NR2C2: variants seen among roughly 807,000 people sequenced by gnomAD.
NR2C2 encodes Nuclear hormone receptor TR4.
In NR2C2, 6 loss-of-function variants were observed where a neutral mutation model predicts 62.9. The observed-to-expected ratio is 0.10, with a 90% CI of 0.05 to 0.19. The LOEUF (loss-of-function observed/expected upper bound fraction) is 0.19, where lower values mean the gene tolerates loss of function less well. NR2C2 is among the 10% of genes least tolerant of loss of function. The pLI is 1.00. For synonymous variants in NR2C2, 272 were observed against 273.8 expected, an observed-to-expected ratio of 0.99 and a Z score of 0.07; for missense variants, 479 against 762.7, an observed-to-expected ratio of 0.63 and a Z score of 4.38.
At chr3:15,039,345 A>G in intron 13 of NR2C2, 118 bp downstream of exon 13, 1 of 686,982 alleles carries the variant, frequency 1.5e-6, no homozygotes, top group Non-Finnish European at 2.6e-6. Flanking sequence ...TAGAGCCTCC[A>G]TTGGATCACA....
At chr3:15,016,309 C>A in intron 4 of NR2C2, 55 bp downstream of exon 4, 2 of 1,313,946 alleles carry the variant, frequency 1.5e-6, no homozygotes, top group Non-Finnish European at 2.2e-6. Flanking sequence ...CATGAAGTAA[C>A]TGTTGTGAGG....
intron 1 of NR2C2, among the ~76,000 whole-genome samples, chr3:14,963,659 A>G (rs1421648306): frequency 6.6e-6 from 1 of 151,974 alleles, no homozygotes; most frequent in African/African-American, 2.4e-5. Context: ...TTTAGTAGAG[A>G]TGGGGTTTCA....
chr3:14,994,725 G>A lies in NR2C2; in HGVS notation c.-39-9151G>A, dbSNP rs1350375541. Among the ~76,000 whole-genome samples the A allele has an allele frequency of 2.7e-5, 4 of 148,162 alleles. No individual in the cohort carries two copies. The East Asian group carries it at 6.0e-4, about 22-fold the overall frequency. On this transcript the variant is annotated intron_variant, in intron 1 of 13. Coordinates refer to ENST00000425241, the MANE Select transcript of NR2C2 (RefSeq NM_001291694.2). Reference sequence around the variant, plus strand: ...CAAAGTGCTGGGTCTGCAGATGTGAGCTGCCACACCCAACCTATTCATTCT... The same window carrying A: ...CAAAGTGCTGGGTCTGCAGATGTGAACTGCCACACCCAACCTATTCATTCT...
chr3:15,042,561 T>A (rs1348792989), intron 13 of NR2C2: 3 of 330,792 alleles, frequency 9.1e-6, no homozygotes, highest in Admixed American at 4.6e-5. Context: ...GTTGATGAAT[T>A]TCCAGGTTTT....
chr3:15,041,506 G>C (rs1161624921), intron 13 of NR2C2, among the ~76,000 whole-genome samples: 1 of 152,138 alleles, frequency 6.6e-6, no homozygotes, highest in Non-Finnish European at 1.5e-5. Context: ...ATTCACTCTA[G>C]AAAAATTTAG....
intron 13 of NR2C2, 90 bp downstream of exon 13, chr3:15,039,317 C>T (rs2042189410): frequency 2.4e-6 from 2 of 830,008 alleles, no homozygotes; most frequent in South Asian, 2.9e-5. Context: ...GTTAACCTTT[C>T]CATTTTTAGC....
chr3:14,977,032 A>T lies in NR2C2; in HGVS notation c.-39-26844A>T, dbSNP rs551745419. On this transcript the variant is annotated intron_variant, in intron 1 of 13. Transcript: ENST00000425241. ...AAGTTCATGTCCTCCTGTTCTGGGA[A>T]ATTGTTTTATGCTAGTTCTTAGATA... 5.9e-5 allele frequency among the ~76,000 whole-genome samples: 9 copies of T among 152,286 alleles called. No individual in the cohort carries two copies. The South Asian group carries it at 1.2e-3, about 21-fold the overall frequency.
At chr3:15,016,129 G>A (rs1260718119) in intron 3 of NR2C2, 23 bp from the exon 4 acceptor site, 1 of 1,589,436 alleles carries the variant, frequency 6.3e-7, no homozygotes, top group Admixed American at 1.7e-5. Context: ...TGGCACCCCT[G>A]TTCGTTTCCT....
intron 10 of NR2C2, among the ~76,000 whole-genome samples, chr3:15,033,882 G>A (rs2042041698): frequency 6.6e-6 from 1 of 152,062 alleles, no homozygotes; most frequent in African/African-American, 2.4e-5. Context: ...ATAAGTTAGT[G>A]TTCAGGGCAG....
At chr3:15,003,029 T>A (rs1289298796) in intron 1 of NR2C2, among the ~76,000 whole-genome samples, 2 of 150,636 alleles carry the variant, frequency 1.3e-5, no homozygotes, top group East Asian at 3.9e-4. Flanking sequence ...TACTGCAGCC[T>A]CCACCTCCCT....
At chr3:14,965,263 GTGT>G (rs1394875493) in intron 1 of NR2C2, among the ~76,000 whole-genome samples, 1 of 152,008 alleles carries the variant, frequency 6.6e-6, no homozygotes, top group Non-Finnish European at 1.5e-5. Context: ...TCAAATATCT[GTGT>G]TTCCACCTGA....
intron 1 of NR2C2, among the ~76,000 whole-genome samples, chr3:14,954,111 T>C (rs1322950287): frequency 1.3e-5 from 2 of 152,134 alleles, no homozygotes; most frequent in Non-Finnish European, 2.9e-5. Context: ...TTTTATTAGG[T>C]TGATAAGATG....
At chr3:14,969,113 G>A (rs2039955563) in intron 1 of NR2C2, among the ~76,000 whole-genome samples, 1 of 150,500 alleles carries the variant, frequency 6.6e-6, no homozygotes, top group Non-Finnish European at 1.5e-5. Flanking sequence ...TTGTGCACAT[G>A]TACCCTAAAA....
chr3:15,024,107 TTAAA>T lies in NR2C2; in HGVS notation c.705-5_705-2del, dbSNP rs2125032858. On this transcript the variant is annotated splice_polypyrimidine_tract_variant and splice_region_variant and intron_variant, in intron 6 of 13. Coordinates refer to ENST00000425241, the MANE Select transcript of NR2C2 (RefSeq NM_001291694.2). ...AAGCTACTCTGAGTTTCTTTATGTC[TTAAA>T]TAGACAAACAGGTCTTCTTGATCCA... 6.2e-7 allele frequency: 1 copy of T among 1,606,054 alleles called. No individual in the cohort carries two copies. The highest frequency in any genetic ancestry group is 8.5e-7 in the Non-Finnish European group (1 of 1,173,456).
chr3:15,039,281 A>C, intron 13 of NR2C2, 54 bp downstream of exon 13: 3 of 1,169,778 alleles, frequency 2.6e-6, no homozygotes, highest in Non-Finnish European at 3.9e-6. Context: ...AGTGTGGCTG[A>C]GTCTGCAGTT....
chr3:14,969,698 T>A (rs1390046755), intron 1 of NR2C2, among the ~76,000 whole-genome samples: 3 of 152,230 alleles, frequency 2.0e-5, no homozygotes, highest in Non-Finnish European at 2.9e-5. Flanking sequence ...ATGAAGTGGC[T>A]TTACAACCCT....
chr3:14,991,768 CTTT>C (rs763730063), intron 1 of NR2C2, among the ~76,000 whole-genome samples: 1 of 100,488 alleles, frequency 1.0e-5, no homozygotes, highest in Non-Finnish European at 2.2e-5. Flanking sequence ...TTTTCTTTTT[CTTT>C]TTTTTTTTTT....
In NR2C2 at chr3:14,952,636, T is replaced by C. The variant is rs192326051; in HGVS notation, c.-40+4730T>C. On this transcript the variant is annotated intron_variant, in intron 1 of 13. Transcript: ENST00000425241. ...GCCTTTTTTCTTCCCTGTGTGATCA[T>C]CATCTTTAACTTAATGGATACATTT... Among the ~76,000 whole-genome samples, 303 of 152,330 alleles carry C rather than the reference T, an allele frequency of 2.0e-3. 1 individual carries two copies. Among genetic ancestry groups the C allele is most frequent in the Non-Finnish European group, 1.9e-3 (130 of 68,028 alleles).
intron 1 of NR2C2, among the ~76,000 whole-genome samples, chr3:14,965,694 T>G (rs558256328): frequency 1.4e-4 from 22 of 152,256 alleles, no homozygotes; most frequent in South Asian, 1.2e-3. Flanking sequence ...AGAGTTTCGC[T>G]CTTGTTGCCC....
Sources: allele counts gnomAD v4.1 joint callset (sites outside exome capture counted in the v4.1 genomes callset), GRCh38; gene constraint gnomAD v4.1.1; transcripts MANE v1.5; gene names NCBI Gene and HGNC (gene_info 2026-07-23, HGNC 2026-07-21).